The following NRXN3 variants were observed in gnomAD, a reference collection of about 807,000 sequenced individuals.
NRXN3 encodes neurexin 3, also known as neurexin III.
NRXN3 carries 32 observed loss-of-function variants against 137.6 expected under a neutral mutation model. The ratio of observed to expected loss-of-function variants is 0.23; its 90% CI spans 0.18 to 0.31. The LOEUF (loss-of-function observed/expected upper bound fraction) is 0.31, where lower values mean the gene tolerates loss of function less well. NRXN3 is among the 10% of genes least tolerant of loss of function. The probability of loss-of-function intolerance (pLI) is 1.00; values close to 1 mark genes in which losing one functional copy is unlikely to be tolerated. For missense variants in NRXN3, 1,574 were observed against 2,062.5 expected (o/e 0.76, Z 4.59); for synonymous variants, 798 against 784.5 (o/e 1.02, Z -0.29).
chr14:78,709,178 A>T, intron 6 of NRXN3, 39 bp from the exon 7 acceptor site: 1 of 1,570,790 alleles, frequency 6.4e-7, no homozygotes, highest in Non-Finnish European at 8.6e-7. Context: ...ACTGTTTGCA[A>T]GATTGATTCA....
intron 15 of NRXN3, among the ~76,000 whole-genome samples, chr14:79,381,759 ACAAT>A (rs1165728454): frequency 6.6e-6 from 1 of 152,222 alleles, no homozygotes; most frequent in African/African-American, 2.4e-5. Flanking sequence ...AACATTGATC[ACAAT>A]CAAATAATGA....
At chr14:78,751,327 G>T (rs573488310) in intron 8 of NRXN3, among the ~76,000 whole-genome samples, 13 of 152,302 alleles carry the variant, frequency 8.5e-5, no homozygotes, top group African/African-American at 3.1e-4. Flanking sequence ...TTTACATGGG[G>T]ATAAATTCTC....
At chr14:78,540,300 G>A (rs572978440) in intron 4 of NRXN3, among the ~76,000 whole-genome samples, 79 of 152,220 alleles carry the variant, frequency 5.2e-4, no homozygotes, top group Middle Eastern at 3.4e-3. Flanking sequence ...CCTGCATTGG[G>A]TGCATATATA....
In NRXN3 at chr14:79,788,552, C is replaced by T. The variant is rs180896977; in HGVS notation, c.4015-16560C>T. Among the ~76,000 whole-genome samples, 22 of 152,256 alleles carry T rather than the reference C, an allele frequency of 1.4e-4. No homozygotes were observed. In the East Asian group the frequency reaches 3.7e-3, roughly 25 times the overall value. ...CATAACAATAGCATGAAGTAGATGT[C>T]ACTGACTCAAATTAACAGAAGAGAA... On this transcript the variant is annotated intron_variant, in intron 19 of 20. Transcript: ENST00000335750.
At chr14:79,379,864 T>C (rs1185700743) in intron 15 of NRXN3, among the ~76,000 whole-genome samples, 2 of 152,140 alleles carry the variant, frequency 1.3e-5, no homozygotes, top group Non-Finnish European at 2.9e-5. Context: ...TCTTTCATTT[T>C]TTTTTTTGCA....
At chr14:79,294,068 A>G (rs2083628353) in intron 15 of NRXN3, among the ~76,000 whole-genome samples, 1 of 152,196 alleles carries the variant, frequency 6.6e-6, no homozygotes, top group Admixed American at 6.5e-5. Context: ...GGTTTGTCAT[A>G]AAAAGAAAAG....
Position 78,979,739 on chromosome 14 carries a change from T to A in NRXN3, c.3143-8283T>A, listed in dbSNP as rs572305516. 2.0e-5 allele frequency among the ~76,000 whole-genome samples: 3 copies of A among 152,274 alleles called. No homozygotes were observed. In the East Asian group the frequency reaches 5.8e-4, roughly 29 times the overall value. On this transcript the variant is annotated intron_variant, in intron 14 of 20. Coordinates refer to ENST00000335750, the MANE Select transcript of NRXN3 (RefSeq NM_001330195.2). ...ATAGTTCCATGTGGCTGGGCAGGCC[T>A]CACAATCATGGCAGAAGGCAAACGA...
At chr14:79,421,109 A>C (rs1182866723) in intron 15 of NRXN3, among the ~76,000 whole-genome samples, 1 of 152,232 alleles carries the variant, frequency 6.6e-6, no homozygotes, top group Non-Finnish European at 1.5e-5. Context: ...CCAGTTTCAT[A>C]AAAGAGGTAT....
intron 15 of NRXN3, among the ~76,000 whole-genome samples, chr14:79,397,115 A>C (rs2095049060): frequency 6.6e-6 from 1 of 152,214 alleles, no homozygotes; most frequent in Non-Finnish European, 1.5e-5. Flanking sequence ...AGATTGGAAA[A>C]TAGGGATTTT....
At chr14:78,930,858 CT>C (rs1008978834) in intron 10 of NRXN3, among the ~76,000 whole-genome samples, 1 of 152,126 alleles carries the variant, frequency 6.6e-6, no homozygotes, top group African/African-American at 2.4e-5. Context: ...CCTGGTGGTT[CT>C]CTCTGTATAT....
intron 4 of NRXN3, among the ~76,000 whole-genome samples, chr14:78,598,390 G>T (rs1431531874): frequency 6.6e-6 from 1 of 152,134 alleles, no homozygotes; most frequent in Admixed American, 6.5e-5. Context: ...GAGAGGGAGG[G>T]AGGGAAAGAG....
intron 8 of NRXN3, among the ~76,000 whole-genome samples, chr14:78,741,704 T>G (rs1277346205): frequency 1.3e-5 from 2 of 152,214 alleles, no homozygotes; most frequent in African/African-American, 4.8e-5. Flanking sequence ...CTTAGCATAT[T>G]TCTAAGTATA....
chr14:79,229,496 G>A (rs527338151), intron 15 of NRXN3, among the ~76,000 whole-genome samples: 9 of 152,262 alleles, frequency 5.9e-5, no homozygotes, highest in Admixed American at 2.6e-4. Flanking sequence ...AATAAATTGG[G>A]TGGTAGATAA....
At chr14:79,185,619 C>T (rs894148110) in intron 15 of NRXN3, among the ~76,000 whole-genome samples, 1 of 152,062 alleles carries the variant, frequency 6.6e-6, no homozygotes, top group Non-Finnish European at 1.5e-5. Context: ...GCGCCCGCCA[C>T]CACGCCCGGC....
chr14:78,842,338 A>ACAT (rs906877147), intron 10 of NRXN3, among the ~76,000 whole-genome samples: 27 of 152,112 alleles, frequency 1.8e-4, no homozygotes, highest in Non-Finnish European at 5.9e-5. Context: ...TCCGGGGGAG[A>ACAT]CATCACATAT....
chr14:78,392,049 T>C (rs556554253), intron 4 of NRXN3, among the ~76,000 whole-genome samples: 24 of 151,844 alleles, frequency 1.6e-4, no homozygotes, highest in Non-Finnish European at 2.6e-4. Context: ...AACGTGACTA[T>C]AAACAAGGAA....
chr14:79,261,601 CTGTGTGTGTGTGTGTGTG>C (rs5809932), intron 15 of NRXN3, among the ~76,000 whole-genome samples: 1 of 59,180 alleles, frequency 1.7e-5, no homozygotes. Flanking sequence ...AAGAAAGGTG[CTGTGTGTGTGTGTGTGTG>C]TGTGTGTGTG....
At chr14:79,208,176 G>A (rs897466955) in intron 15 of NRXN3, among the ~76,000 whole-genome samples, 1 of 152,076 alleles carries the variant, frequency 6.6e-6, no homozygotes, top group Non-Finnish European at 1.5e-5. Flanking sequence ...ATTGGAACCC[G>A]CAATTCAAAA....
intron 16 of NRXN3, among the ~76,000 whole-genome samples, chr14:79,641,451 C>A (rs2098433818): frequency 7.4e-6 from 1 of 135,766 alleles, no homozygotes; most frequent in African/African-American, 2.5e-5. Context: ...AATGACACAG[C>A]ATAACAAACC....
Sources: gnomAD v4.1 joint callset for allele counts (sites outside exome capture counted in the v4.1 genomes callset) on GRCh38, gnomAD v4.1.1 for gene constraint, MANE v1.5 for transcripts, NCBI Gene and HGNC (gene_info 2026-07-23, HGNC 2026-07-21) for gene names.